Variants in POU3F3 observed in about 807,000 individuals in gnomAD.
POU3F3 encodes POU domain, class 3, transcription factor 3.
In POU3F3, 1 loss-of-function variant was observed where a neutral mutation model predicts 8.6. That is an observed-to-expected ratio of 0.12 (90% confidence interval 0.04 to 0.55). The LOEUF (loss-of-function observed/expected upper bound fraction) is 0.55. POU3F3 is among the 20% of genes least tolerant of loss of function. POU3F3 has a pLI of 0.91. For missense variants in POU3F3, 577 were observed against 690.7 expected (o/e 0.84, Z 1.84); for synonymous variants, 418 against 327.4 (o/e 1.28, Z -2.99).
At chr2:104,885,909 T>C in the POU3F3 span, among the ~76,000 whole-genome samples, 1 of 152,162 alleles carries the variant, frequency 6.6e-6, no homozygotes, top group African/African-American at 2.4e-5. Context: ...GTGATTCTCC[T>C]GCCTGGCCCC....
chr2:104,883,335 G>T, the POU3F3 span, among the ~76,000 whole-genome samples: 4 of 152,218 alleles, frequency 2.6e-5, no homozygotes, highest in Non-Finnish European at 5.9e-5. Context: ...AACAGCTTAA[G>T]ACCCTGGATT....
the POU3F3 span, among the ~76,000 whole-genome samples, chr2:104,900,062 T>C: frequency 0.096 from 14,637 of 152,314 alleles, 904 homozygotes; most frequent in Non-Finnish European, 0.14. Flanking sequence ...TCAGATAGTT[T>C]GTCTACGCAC....
At position 104,857,973 on chromosome 2, in the gene POU3F3, G is replaced by A. The variant is rs1170180209; in HGVS notation, c.*960G>A. The A allele has an allele frequency of 3.9e-5, 6 of 152,220 alleles. No individual in the cohort carries two copies. Among genetic ancestry groups the A allele is most frequent in the African/African-American group, 7.2e-5 (3 of 41,462 alleles). The allele number at this position is 152,220 out of a possible 1,614,324, so 9.4% of individuals were successfully genotyped here. A position where few individuals can be genotyped will look rare whatever the true frequency, so the allele number is the denominator to read the frequency against. On this transcript the variant is annotated 3_prime_UTR_variant, in exon 1 of 1. Transcript: ENST00000361360. ...GGAGCAGAGCGGGGGCCCAGCCAGC[G>A]AGGCCGCCGAGCCAGGCCCGGCCGC...
the POU3F3 span, among the ~76,000 whole-genome samples, chr2:104,884,572 G>A: frequency 6.6e-6 from 1 of 152,190 alleles, no homozygotes; most frequent in African/African-American, 2.4e-5. Flanking sequence ...AACACATCTG[G>A]CACTGCAGCT....
the POU3F3 span, among the ~76,000 whole-genome samples, chr2:104,900,228 A>G: frequency 9.8e-5 from 15 of 152,336 alleles, no homozygotes; most frequent in East Asian, 1.9e-3. Flanking sequence ...AGTGTATCTC[A>G]GACAAGGGCC....
the POU3F3 span, among the ~76,000 whole-genome samples, chr2:104,890,096 C>T: frequency 6.6e-6 from 1 of 152,060 alleles, no homozygotes; most frequent in East Asian, 1.9e-4. Flanking sequence ...ACTCTCAGGT[C>T]CCAAGCGAGA....
the POU3F3 span, among the ~76,000 whole-genome samples, chr2:104,876,960 A>G: frequency 9.9e-4 from 150 of 152,152 alleles, 2 homozygotes; most frequent in Non-Finnish European, 1.8e-4. Flanking sequence ...CTCCCCTGTA[A>G]TTGCTCCATC....
the POU3F3 span, among the ~76,000 whole-genome samples, chr2:104,923,236 G>A: frequency 6.6e-6 from 1 of 152,124 alleles, no homozygotes; most frequent in African/African-American, 2.4e-5. Context: ...AAATGCATGG[G>A]AATTTATAAA....
At chr2:104,862,533 C>T (rs575519015), downstream of POU3F3, among the ~76,000 whole-genome samples, 2 of 149,558 alleles carry the variant, frequency 1.3e-5, no homozygotes, top group South Asian at 4.5e-4. Flanking sequence ...CCAAAGCTCG[C>T]TTCTCTCCGG....
chr2:104,912,766 C>T, the POU3F3 span, among the ~76,000 whole-genome samples: 3 of 152,132 alleles, frequency 2.0e-5, no homozygotes, highest in African/African-American at 7.2e-5. Flanking sequence ...GGTGAGCACA[C>T]GCAGCAGTGA....
chr2:104,919,596 C>T, the POU3F3 span, among the ~76,000 whole-genome samples: 12 of 152,202 alleles, frequency 7.9e-5, no homozygotes, highest in East Asian at 1.9e-4. Context: ...CCTGCAGCTT[C>T]GGTTTTTTTA....
At chr2:104,885,209 T>C in the POU3F3 span, among the ~76,000 whole-genome samples, 4 of 152,234 alleles carry the variant, frequency 2.6e-5, no homozygotes, top group African/African-American at 9.6e-5. Flanking sequence ...AATCCAAGCA[T>C]TTTTTTGTGA....
the POU3F3 span, among the ~76,000 whole-genome samples, chr2:104,911,435 G>T: frequency 2.2e-5 from 3 of 138,134 alleles, no homozygotes; most frequent in African/African-American, 8.0e-5. Context: ...AAAAAAAAAA[G>T]TGCTACACGG....
chr2:104,869,055 G>C, the POU3F3 span, among the ~76,000 whole-genome samples: 1 of 152,190 alleles, frequency 6.6e-6, no homozygotes, highest in Non-Finnish European at 1.5e-5. Context: ...TATTACCTTA[G>C]ACACCTAGGG....
the POU3F3 span, among the ~76,000 whole-genome samples, chr2:104,886,383 G>A: frequency 6.6e-6 from 1 of 152,178 alleles, no homozygotes; most frequent in Admixed American, 6.5e-5. Context: ...ACAGTGACAT[G>A]TTGTACAGGT....
chr2:104,879,363 A>G, the POU3F3 span, among the ~76,000 whole-genome samples: 1 of 152,138 alleles, frequency 6.6e-6, no homozygotes, highest in Non-Finnish European at 1.5e-5. Context: ...ACAGCTGCAC[A>G]GTCTTCCGGT....
chr2:104,876,216 TC>T, the POU3F3 span, among the ~76,000 whole-genome samples: 1 of 152,218 alleles, frequency 6.6e-6, no homozygotes, highest in African/African-American at 2.4e-5. Context: ...AGTCACCCTC[TC>T]TTAAGTGTAG....
the POU3F3 span, among the ~76,000 whole-genome samples, chr2:104,877,498 C>T: frequency 6.6e-6 from 1 of 152,090 alleles, no homozygotes. Flanking sequence ...TGCGCTAATG[C>T]CACCCATATT....
Position 104,856,076 on chromosome 2 carries a change from C to A in POU3F3, c.566C>A (p.Ala189Glu). The A allele has an allele frequency of 1.0e-6, 1 of 994,018 alleles. No individual in the cohort carries two copies. The highest frequency in any genetic ancestry group is 1.8e-5 in the African/African-American group (1 of 54,120). 61.6% of individuals were successfully genotyped at this position (994,018 alleles called of 1,614,324 possible). A position where few individuals can be genotyped will look rare whatever the true frequency, so the allele number is the denominator to read the frequency against. ...CAGGGCCACCCTGGGGGCTGGGGGGCGGCCGCCGCTGCCGCAGCCGCAGCC... is the reference window on the plus strand; with the variant it reads ...CAGGGCCACCCTGGGGGCTGGGGGGAGGCCGCCGCTGCCGCAGCCGCAGCC... ...PHQGHPGGWGAAAAAAAAAAA... is the reference protein window; with the variant it reads ...PHQGHPGGWGEAAAAAAAAAA... The change falls in exon 1 of 1, where the codon GCG becomes GAG. Residue 189 changes from alanine to glutamate, a missense_variant. By Grantham distance (107) the Ala-to-Glu change is moderately radical. This residue lies in a region of POU3F3 where 484 missense variants were observed against 422.6 expected (regional missense o/e 1.15). Coordinates refer to ENST00000361360, the MANE Select transcript of POU3F3 (RefSeq NM_006236.3).
Sources: allele counts gnomAD v4.1 joint callset (sites outside exome capture counted in the v4.1 genomes callset), GRCh38; gene constraint gnomAD v4.1.1; regional missense constraint gnomAD v4.1.1; transcripts MANE v1.5; gene names NCBI Gene and HGNC (gene_info 2026-07-23, HGNC 2026-07-21).